The following PCDH9 variants were observed in gnomAD, a reference collection of about 807,000 sequenced individuals.
PCDH9 encodes protocadherin-9.
In PCDH9, 24 loss-of-function variants were observed where a neutral mutation model predicts 70.6. The observed-to-expected ratio is 0.34, with a 90% confidence interval of 0.25 to 0.48. The LOEUF (loss-of-function observed/expected upper bound fraction) is 0.48, where lower values mean the gene tolerates loss of function less well. PCDH9 is among the 20% of genes least tolerant of loss of function. The pLI, the probability that PCDH9 is intolerant of heterozygous loss-of-function variation, is 0.99. For missense variants in PCDH9, 1,281 were observed against 1,503.6 expected (o/e 0.85, Z 2.45); for synonymous variants, 562 against 558.5 (o/e 1.01, Z -0.09).
At chr13:66,451,388 A>G (rs1958206305) in intron 4 of PCDH9, among the ~76,000 whole-genome samples, 1 of 152,194 alleles carries the variant, frequency 6.6e-6, no homozygotes, top group Admixed American at 6.5e-5. Flanking sequence ...GGGGTCTATT[A>G]TTTCAACAAA....
At chr13:66,672,120 G>GCTAAAAGA (rs1428080987) in intron 3 of PCDH9, among the ~76,000 whole-genome samples, 5 of 152,154 alleles carry the variant, frequency 3.3e-5, no homozygotes, top group Non-Finnish European at 7.3e-5. Flanking sequence ...CCCAGCCATG[G>GCTAAAAGA]CTAAAAGAGG....
At chr13:66,740,850 T>C (rs1205233641) in intron 3 of PCDH9, among the ~76,000 whole-genome samples, 1 of 141,692 alleles carries the variant, frequency 7.1e-6, no homozygotes, top group African/African-American at 2.6e-5. Flanking sequence ...CAATAATCAA[T>C]AGTTTACCAA....
At chr13:66,915,893 CTG>C (rs1162399433) in intron 2 of PCDH9, among the ~76,000 whole-genome samples, 28 of 151,672 alleles carry the variant, frequency 1.8e-4, no homozygotes, top group Admixed American at 1.6e-3. Context: ...AGCACAGAAA[CTG>C]TGAGCTTGGA....
intron 4 of PCDH9, among the ~76,000 whole-genome samples, chr13:66,538,142 A>G (rs1313044727): frequency 3.9e-5 from 6 of 152,094 alleles, no homozygotes; most frequent in Admixed American, 2.0e-4. Context: ...TTTCACTTAT[A>G]TTTTCATTAA....
At chr13:66,928,386 TCA>T (rs1166852407) in intron 2 of PCDH9, among the ~76,000 whole-genome samples, 1 of 152,092 alleles carries the variant, frequency 6.6e-6, no homozygotes, top group Non-Finnish European at 1.5e-5. Flanking sequence ...ATTTCGTGTC[TCA>T]CAACAATACA....
chr13:66,578,588 AT>A (rs1030482283), intron 4 of PCDH9, among the ~76,000 whole-genome samples: 8 of 152,048 alleles, frequency 5.3e-5, no homozygotes, highest in Non-Finnish European at 7.4e-5. Flanking sequence ...AAATGCTTCA[AT>A]TTCAGACTAG....
At chr13:67,083,400 T>C (rs1299564526) in intron 2 of PCDH9, among the ~76,000 whole-genome samples, 1 of 152,130 alleles carries the variant, frequency 6.6e-6, no homozygotes, top group Non-Finnish European at 1.5e-5. Context: ...ACAAAAATTA[T>C]GTCACTGGCA....
Position 66,903,444 on chromosome 13 carries a change from A to G in PCDH9, c.3138+60T>C, listed in dbSNP as rs150574808. ...TACTAATTAAGATAGAGTATTTAAA[A>G]TCATGAGGAAAATGAAAATTTATCA... On this transcript the variant is annotated intron_variant, in intron 3 of 4. Coordinates refer to ENST00000377865, the MANE Select transcript of PCDH9 (RefSeq NM_203487.3). 1,418 of 629,930 alleles carry G rather than the reference A, an allele frequency of 2.3e-3. 19 individuals are homozygous for G. In the African/African-American group the frequency reaches 0.024, roughly 11 times the overall value. The allele number at this position is 629,930 out of a possible 1,614,324, so 39.0% of individuals were successfully genotyped here.
intron 3 of PCDH9, among the ~76,000 whole-genome samples, chr13:66,762,003 A>C (rs2079636679): frequency 6.6e-6 from 1 of 151,982 alleles, no homozygotes; most frequent in South Asian, 2.1e-4. Flanking sequence ...CAGTATTTGC[A>C]GTATGGATTT....
intron 2 of PCDH9, among the ~76,000 whole-genome samples, chr13:67,070,347 A>C (rs2085736547): frequency 6.6e-6 from 1 of 152,150 alleles, no homozygotes; most frequent in Non-Finnish European, 1.5e-5. Flanking sequence ...TTCAAAAAAG[A>C]AAGTTCATTT....
At chr13:66,492,452 AAT>A (rs1385593723) in intron 4 of PCDH9, among the ~76,000 whole-genome samples, 2 of 148,040 alleles carry the variant, frequency 1.4e-5, no homozygotes, top group African/African-American at 4.9e-5. Context: ...ATATATAATA[AAT>A]ATATATAAAT....
chr13:66,586,033 A>G (rs149145610), intron 4 of PCDH9, among the ~76,000 whole-genome samples: 48 of 152,280 alleles, frequency 3.2e-4, no homozygotes, highest in African/African-American at 1.1e-3. Context: ...TCAAACAAAG[A>G]CCTTATTTAA....
chr13:66,785,536 C>T (rs1277507603), intron 3 of PCDH9, among the ~76,000 whole-genome samples: 3 of 151,668 alleles, frequency 2.0e-5, no homozygotes, highest in Non-Finnish European at 4.4e-5. Flanking sequence ...GTATTTACCC[C>T]AGAGAATATA....
At chr13:66,754,104 T>G (rs1371149150) in intron 3 of PCDH9, among the ~76,000 whole-genome samples, 1 of 152,162 alleles carries the variant, frequency 6.6e-6, no homozygotes, top group Non-Finnish European at 1.5e-5. Context: ...CTCTTTGTTC[T>G]AAGAGGTGTG....
chr13:66,448,092 GA>G (rs936770050), intron 4 of PCDH9, among the ~76,000 whole-genome samples: 5 of 151,656 alleles, frequency 3.3e-5, no homozygotes, highest in African/African-American at 1.2e-4. Context: ...ATCCAATAAA[GA>G]AAAAAAATGC....
intron 4 of PCDH9, among the ~76,000 whole-genome samples, chr13:66,616,706 G>A (rs1031045671): frequency 6.6e-6 from 1 of 151,926 alleles, no homozygotes; most frequent in Non-Finnish European, 1.5e-5. Flanking sequence ...CAGGACCAAG[G>A]AAGCTAACCA....
chr13:66,707,971 CT>C (rs1317928804), intron 3 of PCDH9, among the ~76,000 whole-genome samples: 1 of 152,112 alleles, frequency 6.6e-6, no homozygotes, highest in African/African-American at 2.4e-5. Context: ...TTCTCTTTAC[CT>C]TTTTTAAATT....
chr13:67,227,935 G>A lies in PCDH9; in HGVS notation c.506C>T (p.Pro169Leu). 6.2e-7 allele frequency: 1 copy of A among 1,614,098 alleles called. No individual in the cohort carries two copies. The highest frequency in any genetic ancestry group is 1.3e-5 in the African/African-American group (1 of 75,038). The change falls in exon 2 of 5, where the codon CCT (proline) becomes CTT (leucine). Residue 169 changes from proline to leucine, a missense_variant. Pro to Leu is a moderately conservative substitution (Grantham distance 98). Transcript: ENST00000377865. The surrounding 1 kb of genome is among the most constrained non-coding windows in gnomAD (Gnocchi z 4.6). ...CTGTACACCATTGAAGCCTGTGTCA[G>A]GATCTGTTGCTGATGGAATTGGAAA... ...SRFPIPSATD[P>L]DTGFNGVQHY... is the part of the protein sequence containing the mutation.
chr13:66,323,065 T>C (rs1955782698), intron 4 of PCDH9: 1 of 152,036 alleles, frequency 6.6e-6, no homozygotes, highest in Non-Finnish European at 1.5e-5. Context: ...AGCATTCATA[T>C]ATTCAGTGTT....
Sources: allele counts gnomAD v4.1 joint callset (sites outside exome capture counted in the v4.1 genomes callset), GRCh38; gene constraint gnomAD v4.1.1; non-coding constraint Gnocchi (gnomAD v3.1); transcripts MANE v1.5; gene names NCBI Gene and HGNC (gene_info 2026-07-23, HGNC 2026-07-21).